TUNAR: variants seen among roughly 807,000 people sequenced by gnomAD.
TUNAR encodes transmembrane neural differentiation associated intracellular calcium regulator, also known as protein TUNAR.
At chr14:95,922,013 C>T (rs187261272) in intron 2 of TUNAR, among the ~76,000 whole-genome samples, 9 of 152,306 alleles carry the variant, frequency 5.9e-5, no homozygotes, top group Admixed American at 2.0e-4. Flanking sequence ...TTCCAGTTCT[C>T]TGCTATGGCA....
chr14:95,889,930 T>C (rs1889145427), intron 2 of TUNAR, among the ~76,000 whole-genome samples: 1 of 141,006 alleles, frequency 7.1e-6, no homozygotes, highest in Non-Finnish European at 1.5e-5. Flanking sequence ...CTAGTCTCCT[T>C]CCTCATGGAA....
chr14:95,923,607 A>G (rs1473460421), exon 3 of TUNAR: 2 of 152,208 alleles, frequency 1.3e-5, no homozygotes, highest in Non-Finnish European at 2.9e-5. Context: ...CCAGATCCAT[A>G]GAGCTTTCCT....
intron 2 of TUNAR, among the ~76,000 whole-genome samples, chr14:95,903,243 C>T (rs145650588): frequency 2.0e-5 from 3 of 152,326 alleles, no homozygotes; most frequent in Non-Finnish European, 2.9e-5. Context: ...TAGTGTCTTC[C>T]TCTCTTCTGT....
intron 2 of TUNAR, among the ~76,000 whole-genome samples, chr14:95,882,393 A>G (rs916028582): frequency 6.6e-6 from 1 of 152,266 alleles, no homozygotes; most frequent in Non-Finnish European, 1.5e-5. Flanking sequence ...TATTCAGGGC[A>G]TGGTAGTAGA....
chr14:95,906,125 C>G lies in TUNAR; in HGVS notation c.13-16656C>G, dbSNP rs147161340. 9.5e-3 allele frequency among the ~76,000 whole-genome samples: 1,446 copies of G among 152,260 alleles called. 8 individuals are homozygous for G. Among genetic ancestry groups the G allele is most frequent in the Non-Finnish European group, 0.014 (976 of 68,028 alleles). Reference sequence around the variant, plus strand: ...ATCTTGTATGTTCCCTTCCTCAACTCTGGAATCAACCACTTCTCCAAGGAG... The same window carrying G: ...ATCTTGTATGTTCCCTTCCTCAACTGTGGAATCAACCACTTCTCCAAGGAG... On this transcript the variant is annotated intron_variant, in intron 2 of 2. Coordinates refer to ENST00000678517, the Ensembl canonical transcript of TUNAR.
At chr14:95,877,421 C>G (rs1888907169) in intron 2 of TUNAR, among the ~76,000 whole-genome samples, 1 of 152,208 alleles carries the variant, frequency 6.6e-6, no homozygotes, top group Admixed American at 6.5e-5. Flanking sequence ...GGAGACCTGT[C>G]TGGTCTAGAT....
At chr14:95,889,624 G>A (rs936299617) in intron 2 of TUNAR, among the ~76,000 whole-genome samples, 1 of 152,204 alleles carries the variant, frequency 6.6e-6, no homozygotes, top group African/African-American at 2.4e-5. Flanking sequence ...TGGCTTTCCT[G>A]TCTCCTGGTC....
chr14:95,892,120 C>G (rs1889188510), intron 2 of TUNAR, among the ~76,000 whole-genome samples: 1 of 152,252 alleles, frequency 6.6e-6, no homozygotes, highest in Non-Finnish European at 1.5e-5. Context: ...TTGAGCATAT[C>G]TTTTGGGGGG....
chr14:95,883,286 G>A (rs528059878), intron 2 of TUNAR, among the ~76,000 whole-genome samples: 2 of 152,302 alleles, frequency 1.3e-5, no homozygotes, highest in Admixed American at 6.5e-5. Context: ...CAGTCTGCTC[G>A]AGGACATCCC....
chr14:95,882,262 C>T (rs1272194603), intron 2 of TUNAR, among the ~76,000 whole-genome samples: 1 of 144,298 alleles, frequency 6.9e-6, no homozygotes, highest in African/African-American at 2.5e-5. Flanking sequence ...GGCTAGATTT[C>T]TAACATGTGT....
At chr14:95,894,086 A>T (rs1177114184) in intron 2 of TUNAR, among the ~76,000 whole-genome samples, 2 of 152,212 alleles carry the variant, frequency 1.3e-5, no homozygotes, top group African/African-American at 4.8e-5. Flanking sequence ...CAGAAGAGGG[A>T]AGAGGAGCAG....
chr14:95,920,622 G>A (rs575950555), intron 2 of TUNAR, among the ~76,000 whole-genome samples: 25 of 152,236 alleles, frequency 1.6e-4, no homozygotes, highest in African/African-American at 5.3e-4. Flanking sequence ...CTTGCCTCTC[G>A]TTCATACGGA....
At chr14:95,891,834 C>G (rs1041827521) in intron 2 of TUNAR, among the ~76,000 whole-genome samples, 1 of 152,214 alleles carries the variant, frequency 6.6e-6, no homozygotes, top group African/African-American at 2.4e-5. Context: ...CATCGGAAGG[C>G]TCCAGGGCAG....
chr14:95,907,573 G>A (rs1369716967), intron 2 of TUNAR, among the ~76,000 whole-genome samples: 1 of 152,154 alleles, frequency 6.6e-6, no homozygotes, highest in Non-Finnish European at 1.5e-5. Flanking sequence ...GAAGAATGAG[G>A]TATGCAGACA....
intron 2 of TUNAR, among the ~76,000 whole-genome samples, chr14:95,878,205 A>G (rs1486455634): frequency 6.6e-6 from 1 of 152,268 alleles, no homozygotes; most frequent in Non-Finnish European, 1.5e-5. Flanking sequence ...CCCAAAGAAA[A>G]GGAGTTTTAA....
intron 2 of TUNAR, among the ~76,000 whole-genome samples, chr14:95,918,850 C>A (rs118134502): frequency 1.1e-4 from 16 of 152,298 alleles, no homozygotes; most frequent in Non-Finnish European, 2.2e-4. Flanking sequence ...TTATACCAAT[C>A]CTGGCCATCT....
intron 2 of TUNAR, among the ~76,000 whole-genome samples, chr14:95,920,111 G>A (rs1473575984): frequency 6.6e-6 from 1 of 152,170 alleles, no homozygotes; most frequent in Non-Finnish European, 1.5e-5. Context: ...TATACACAAC[G>A]ACGTGAGCAA....
intron 2 of TUNAR, among the ~76,000 whole-genome samples, chr14:95,913,796 G>A (rs1396217518): frequency 6.6e-6 from 1 of 152,026 alleles, no homozygotes; most frequent in Non-Finnish European, 1.5e-5. Context: ...GCAGTGGCAC[G>A]ATCTCAGCTC....
At chr14:95,883,297 T>G (rs901605727) in intron 2 of TUNAR, among the ~76,000 whole-genome samples, 3 of 152,236 alleles carry the variant, frequency 2.0e-5, no homozygotes, top group African/African-American at 7.2e-5. Flanking sequence ...AGGACATCCC[T>G]GTGGCGGTTG....
Sources: gnomAD v4.1 joint callset for allele counts (sites outside exome capture counted in the v4.1 genomes callset) on GRCh38, gnomAD v4.1.1 for gene constraint, MANE v1.5 for transcripts, NCBI Gene and HGNC (gene_info 2026-07-23, HGNC 2026-07-21) for gene names.